GCDH: variants seen among roughly 807,000 people sequenced by gnomAD.
GCDH encodes glutaryl-CoA dehydrogenase, mitochondrial.
GCDH carries 31 observed loss-of-function variants against 52.8 expected under a neutral mutation model. The observed-to-expected ratio is 0.59, with a 90% CI of 0.44 to 0.79. The LOEUF (loss-of-function observed/expected upper bound fraction) is 0.79. GCDH is among the 30% of genes least tolerant of loss of function. GCDH has a pLI of 0.00. For synonymous variants in GCDH, 242 were observed against 250.0 expected (o/e 0.97, Z 0.30); for missense variants, 509 against 595.0 (o/e 0.86, Z 1.50).
chr19:12,898,593 GTT>G (rs1044169549), intron 11 of GCDH, among the ~76,000 whole-genome samples: 1 of 151,288 alleles, frequency 6.6e-6, no homozygotes, highest in Non-Finnish European at 1.5e-5. Context: ...CCATGAGATG[GTT>G]TTATGCAGAG....
At chr19:12,892,816 C>G (rs555113390) in intron 5 of GCDH, among the ~76,000 whole-genome samples, 1 of 151,826 alleles carries the variant, frequency 6.6e-6, no homozygotes, top group South Asian at 2.1e-4. Context: ...CTCCTGACCT[C>G]AGGTGATCCA....
At chr19:12,893,883 T>G in intron 6 of GCDH, 1 of 616,462 alleles carries the variant, frequency 1.6e-6, no homozygotes, top group Non-Finnish European at 2.9e-6. Context: ...TGTTCCCCAG[T>G]CCAGCCCAAA....
chr19:12,899,956 A>G lies in GCDH; in HGVS notation c.*415A>G. ...CAGAGTGAGGGAGAGGAAAATAAAG[A>G]CCTGCACATCTGACCCCAAGGTGTC... On this transcript the variant is annotated 3_prime_UTR_variant, in exon 12 of 12. Coordinates refer to ENST00000222214, the MANE Select transcript of GCDH (RefSeq NM_000159.4). The G allele has an allele frequency of 6.2e-7, 1 of 1,611,600 alleles. No individual in the cohort carries two copies. Among genetic ancestry groups the G allele is most frequent in the African/African-American group, 1.3e-5 (1 of 74,878 alleles).
intron 6 of GCDH, chr19:12,894,908 A>T: frequency 1.6e-5 from 4 of 256,328 alleles, no homozygotes; most frequent in Non-Finnish European, 2.9e-5. Flanking sequence ...ATAAGATCAG[A>T]TTCGCAAAAA....
Position 12,897,822 on chromosome 19 carries a change from T to A in GCDH, c.1202T>A (p.Ile401Asn). Reference sequence around the variant, plus strand: ...GGGATTTCTGACGAGTATCACGTGATCCGGCACGCCATGAACCTGGAGGCC... The same window carrying A: ...GGGATTTCTGACGAGTATCACGTGAACCGGCACGCCATGAACCTGGAGGCC... ...GNGISDEYHV[I>N]RHAMNLEAVN... The change falls in exon 11 of 12, where the codon ATC (isoleucine) becomes AAC (asparagine). Residue 401 changes from isoleucine (I) to asparagine (N), a missense_variant. Physicochemically the swap from Ile to Asn is moderately radical, Grantham distance 149. Transcript: ENST00000222214. 1 of 1,613,912 alleles carries A rather than the reference T, an allele frequency of 6.2e-7. No homozygotes were observed. The highest frequency in any genetic ancestry group is 8.5e-7 in the Non-Finnish European group (1 of 1,179,962).
Position 12,899,559 on chromosome 19 carries a change from C to T in GCDH, c.*18C>T, listed in dbSNP as rs994008457. 6.2e-7 allele frequency: 1 copy of T among 1,614,050 alleles called. No individual in the cohort carries two copies. Among genetic ancestry groups the T allele is most frequent in the Non-Finnish European group, 8.5e-7 (1 of 1,179,976 alleles). On this transcript the variant is annotated 3_prime_UTR_variant, in exon 12 of 12. Transcript: ENST00000222214. Reference sequence around the variant, plus strand: ...GCAAGTGAGCCGCTCCATCAGGGGCCCGAAACTCTCAAGCCCCTTTCTGGA... The same window carrying T: ...GCAAGTGAGCCGCTCCATCAGGGGCTCGAAACTCTCAAGCCCCTTTCTGGA...
chr19:12,899,922 G>A lies in GCDH; in HGVS notation c.*381G>A. On this transcript the variant is annotated 3_prime_UTR_variant, in exon 12 of 12. Coordinates refer to ENST00000222214, the MANE Select transcript of GCDH (RefSeq NM_000159.4). Reference sequence around the variant, plus strand: ...ATCTGGGGGTAGTGCCTTATGCTGGGTGTTGGAGCAGAGTGAGGGAGAGGA... The same window carrying A: ...ATCTGGGGGTAGTGCCTTATGCTGGATGTTGGAGCAGAGTGAGGGAGAGGA... The A allele has an allele frequency of 2.5e-6, 4 of 1,611,328 alleles. No individual in the cohort carries two copies. Among genetic ancestry groups the A allele is most frequent in the Non-Finnish European group, 3.4e-6 (4 of 1,178,988 alleles).
At chr19:12,891,145 T>G (rs1970543572), upstream of GCDH, 1 of 660,198 alleles carries the variant, frequency 1.5e-6, no homozygotes, top group South Asian at 1.6e-5. Flanking sequence ...CTTGCTGAGG[T>G]CAAAGGCCTG....
chr19:12,891,544 G>A (rs1441390823), intron 3 of GCDH, 22 bp downstream of exon 3: 3 of 1,614,180 alleles, frequency 1.9e-6, no homozygotes, highest in Middle Eastern at 1.7e-4. Context: ...TGGTCGCACC[G>A]TGTGTCTGCT....
chr19:12,899,499 G>A lies in GCDH; in HGVS notation c.1275G>A (p.Gly425=), dbSNP rs778633875. ...ATGACATTCACGCCCTGATCCTTGG[G>A]AGAGCTATCACGGGAATCCAGGCGT... ...GTHDIHALIL[G]RAITGIQAFT... The change falls in exon 12 of 12, where the codon GGG becomes GGA. Residue 425 remains glycine (G), a synonymous_variant. Coordinates refer to ENST00000222214, the MANE Select transcript of GCDH (RefSeq NM_000159.4). The A allele has an allele frequency of 2.0e-5, 32 of 1,614,060 alleles. No homozygotes were observed. In the South Asian group the frequency reaches 3.4e-4, roughly 17 times the overall value.
chr19:12,897,707 G>GC lies in GCDH; in HGVS notation c.1092dup (p.Glu365ArgfsTer10). Reference sequence around the variant, plus strand: ...ACCCTCATGTGCCACTCCCAGGGCTGCCCCCGAGATGGTTTCTCTGCTGAA... The same window carrying GC: ...ACCCTCATGTGCCACTCCCAGGGCTGCCCCCCGAGATGGTTTCTCTGCTGAA... On this transcript the variant is annotated frameshift_variant, in exon 11 of 12. Coordinates refer to ENST00000222214, the MANE Select transcript of GCDH (RefSeq NM_000159.4). LOFTEE classifies it high-confidence loss of function. 1 of 1,614,068 alleles carries GC rather than the reference G, an allele frequency of 6.2e-7. No individual in the cohort carries two copies. The highest frequency in any genetic ancestry group is 8.5e-7 in the Non-Finnish European group (1 of 1,179,980).
intron 6 of GCDH, chr19:12,894,942 G>A (rs1970641319): frequency 2.7e-6 from 1 of 377,234 alleles, no homozygotes; most frequent in Admixed American, 3.7e-5. Flanking sequence ...ACAAGGCCCT[G>A]TGTGACCAGG....
intron 11 of GCDH, 39 bp downstream of exon 11, chr19:12,897,902 T>C (rs1970724901): frequency 6.4e-7 from 1 of 1,569,284 alleles, no homozygotes; most frequent in Admixed American, 1.7e-5. Flanking sequence ...GAGGCCTCAG[T>C]GTCTGGGGAG....
In GCDH at chr19:12,891,317, G is replaced by A. The variant is rs1262940434; in HGVS notation, c.13G>A (p.Gly5Ser). MALR[G>S]VSVRLLSRGP... ...GCTCTGAGAGAGCATGGCCCTGAGA[G>A]GCGTCTCCGTGCGGCTGCTGAGCCG... Residue 5 changes from glycine to serine, a missense_variant, in exon 2 of 12, where the codon GGC (glycine) becomes AGC (serine). By Grantham distance (56) the Gly-to-Ser change is moderately conservative (BLOSUM62 0). Coordinates refer to ENST00000222214, the MANE Select transcript of GCDH (RefSeq NM_000159.4). 3.1e-6 allele frequency: 5 copies of A among 1,608,532 alleles called. No homozygotes were observed. The highest frequency in any genetic ancestry group is 1.7e-5 in the Admixed American group (1 of 59,984).
rs1250663420 is a variant in GCDH, at chr19:12,897,719, G to A, written c.1099G>A (p.Val367Ile). 1.2e-6 allele frequency: 2 copies of A among 1,614,144 alleles called. No homozygotes were observed. The highest frequency in any genetic ancestry group is 2.2e-5 in the East Asian group (1 of 44,882). Residue 367 changes from valine (V) to isoleucine (I), a missense_variant, in exon 11 of 12, where the codon GTT (valine) becomes ATT (isoleucine). By Grantham distance (29) the Val-to-Ile change is conservative (BLOSUM62 3). Coordinates refer to ENST00000222214, the MANE Select transcript of GCDH (RefSeq NM_000159.4). ...KDQDKAAPEMVSLLKRNNCGK... is the reference protein window; with the variant it reads ...KDQDKAAPEMISLLKRNNCGK... The stretch of plus-strand genomic sequence containing the variant: ...CACTCCCAGGGCTGCCCCCGAGATG[G>A]TTTCTCTGCTGAAGAGGAATAACTG...
chr19:12,892,446 C>A (rs1392894095), intron 5 of GCDH: 5 of 553,804 alleles, frequency 9.0e-6, no homozygotes, highest in Non-Finnish European at 1.6e-5. Context: ...TATGTGCCAC[C>A]ATGCCTGGCT....
chr19:12,891,766 G>A (rs547301120), intron 3 of GCDH, 65 bp from the exon 4 acceptor site: 2 of 1,610,698 alleles, frequency 1.2e-6, no homozygotes, highest in Admixed American at 1.7e-5. Context: ...TAGGGCTGAT[G>A]AGGGTCCGAG....
In GCDH at chr19:12,899,942, A is replaced by G. The variant is rs530280983; in HGVS notation, c.*401A>G. 1 of 1,543,208 alleles carries G rather than the reference A, an allele frequency of 6.5e-7. No homozygotes were observed. Among genetic ancestry groups the G allele is most frequent in the African/African-American group, 1.4e-5 (1 of 72,768 alleles). The stretch of plus-strand genomic sequence containing the variant: ...GCTGGGTGTTGGAGCAGAGTGAGGG[A>G]GAGGAAAATAAAGACCTGCACATCT... On this transcript the variant is annotated 3_prime_UTR_variant, in exon 12 of 12. Coordinates refer to ENST00000222214, the MANE Select transcript of GCDH (RefSeq NM_000159.4).
In GCDH at chr19:12,896,605, C is replaced by T. The variant is rs745824834; in HGVS notation, c.852+184C>T. 3.3e-5 allele frequency among the ~76,000 whole-genome samples: 5 copies of T among 152,214 alleles called. No homozygotes were observed. The highest frequency in any genetic ancestry group is 2.1e-4 in the South Asian group (1 of 4,826). ...CATTTGGTGACCGTCTCGCTCATCCCGGCTCTGCCCGGGACACATGGGCCT... is the reference window on the plus strand; with the variant it reads ...CATTTGGTGACCGTCTCGCTCATCCTGGCTCTGCCCGGGACACATGGGCCT... On this transcript the variant is annotated intron_variant, in intron 8 of 11. Transcript: ENST00000222214. This position sits in a 1 kb window ranked among gnomAD's most constrained non-coding sequence, Gnocchi z 5.5.
Sources: gnomAD v4.1 joint callset for allele counts (sites outside exome capture counted in the v4.1 genomes callset) on GRCh38, gnomAD v4.1.1 for gene constraint, Gnocchi (gnomAD v3.1) non-coding constraint, MANE v1.5 for transcripts, NCBI Gene and HGNC (gene_info 2026-07-23, HGNC 2026-07-21) for gene names.